The following GRM8 variants were observed in gnomAD, a reference collection of about 807,000 sequenced individuals.
GRM8 encodes metabotropic glutamate receptor 8.
A neutral mutation model predicts 87.2 loss-of-function variants in GRM8; 47 were observed. The ratio of observed to expected loss-of-function variants is 0.54; its 90% CI spans 0.43 to 0.69. The LOEUF is 0.69. Among genes scored for constraint, GRM8 ranks in the 30% least tolerant of loss-of-function variants. The probability of loss-of-function intolerance (pLI) is 0.00; values close to 1 mark genes in which losing one functional copy is unlikely to be tolerated. For missense variants in GRM8, 1,019 were observed against 1,139.2 expected (o/e 0.89, Z 1.52); for synonymous variants, 396 against 404.5 (o/e 0.98, Z 0.25).
chr7:126,832,847 GA>G (rs2130449737), intron 6 of GRM8, among the ~76,000 whole-genome samples: 1 of 152,258 alleles, frequency 6.6e-6, no homozygotes, highest in South Asian at 2.1e-4. Flanking sequence ...AGCATATGTT[GA>G]ATAGCTGTAT....
chr7:127,095,312 G>A (rs1248860382), intron 3 of GRM8, among the ~76,000 whole-genome samples: 2 of 152,174 alleles, frequency 1.3e-5, no homozygotes, highest in African/African-American at 4.8e-5. Flanking sequence ...GATGCTGGGT[G>A]GAAGCTGTTG....
intron 6 of GRM8, among the ~76,000 whole-genome samples, chr7:126,838,803 A>T (rs917109074): frequency 6.6e-6 from 1 of 152,232 alleles, no homozygotes; most frequent in African/African-American, 2.4e-5. Context: ...CACGGCTCAC[A>T]TCATATAAGC....
At chr7:127,129,832 G>A (rs1043414701) in intron 2 of GRM8, among the ~76,000 whole-genome samples, 1 of 152,160 alleles carries the variant, frequency 6.6e-6, no homozygotes, top group Non-Finnish European at 1.5e-5. Context: ...AGCCAATCAA[G>A]ATAATTTTGA....
rs964869672 is a variant in GRM8, at chr7:127,109,315, C to A, written c.511-2603G>T. On this transcript the variant is annotated intron_variant, in intron 2 of 10. Coordinates refer to ENST00000339582, the MANE Select transcript of GRM8 (RefSeq NM_000845.3). ...TAGGAAAAGCACCCATTATCAGTTC[C>A]CCCATCCTTTAAAAAAAAAAGTAGT... Among the ~76,000 whole-genome samples, 52 of 152,040 alleles carry A rather than the reference C, an allele frequency of 3.4e-4. 1 individual carries two copies. Among genetic ancestry groups the A allele is most frequent in the African/African-American group, 1.2e-3 (51 of 41,390 alleles).
rs1213099095 is a variant in GRM8, at chr7:126,460,548, C to G, written c.2431-14176G>C. Among the ~76,000 whole-genome samples, 9 of 151,586 alleles carry G rather than the reference C, an allele frequency of 5.9e-5. No homozygotes were observed. The East Asian group carries it at 1.8e-3, about 30-fold the overall frequency. ...TAACTCTAGACCACAGACAAAAAGT[C>G]CTCTTCTTGCACATTATTCCATAAG... On this transcript the variant is annotated intron_variant, in intron 9 of 10. Transcript: ENST00000339582.
At chr7:126,798,892 G>T (rs1057505985) in intron 6 of GRM8, among the ~76,000 whole-genome samples, 2 of 152,092 alleles carry the variant, frequency 1.3e-5, no homozygotes, top group Non-Finnish European at 1.5e-5. Context: ...TGTGTTCAAC[G>T]AATGTGGATC....
intron 2 of GRM8, among the ~76,000 whole-genome samples, chr7:127,115,254 G>A (rs1587063567): frequency 6.6e-6 from 1 of 152,154 alleles, no homozygotes; most frequent in East Asian, 1.9e-4. Context: ...GGTTGTGGCA[G>A]GCCAAGCAGA....
chr7:127,074,977 A>G (rs1319118027), intron 3 of GRM8, among the ~76,000 whole-genome samples: 1 of 152,192 alleles, frequency 6.6e-6, no homozygotes, highest in Admixed American at 6.5e-5. Context: ...CCAACAGAAG[A>G]CTGGCTTCAT....
At chr7:127,246,639 T>C (rs971459266) in intron 1 of GRM8, among the ~76,000 whole-genome samples, 18 of 152,148 alleles carry the variant, frequency 1.2e-4, no homozygotes, top group Admixed American at 2.6e-4. Flanking sequence ...GGGCCCTCCA[T>C]GGGCAGTCCC....
chr7:126,584,192 C>A (rs910736100), intron 8 of GRM8, among the ~76,000 whole-genome samples: 1 of 152,002 alleles, frequency 6.6e-6, no homozygotes, highest in African/African-American at 2.4e-5. Context: ...ATTGCCATGG[C>A]ACACTTAATA....
intron 7 of GRM8, among the ~76,000 whole-genome samples, chr7:126,694,016 A>G (rs17150099): frequency 0.051 from 7,687 of 152,064 alleles, 597 homozygotes; most frequent in African/African-American, 0.16. Context: ...TATGACCATT[A>G]TAAATATTCA....
chr7:127,116,054 G>T (rs913273180), intron 2 of GRM8, among the ~76,000 whole-genome samples: 2 of 152,156 alleles, frequency 1.3e-5, no homozygotes, highest in African/African-American at 4.8e-5. Flanking sequence ...AATTCTAGGT[G>T]ACAATGAGCT....
In GRM8 at chr7:126,902,632, T is replaced by C. The variant is rs1333225130; in HGVS notation, c.1066A>G (p.Asn356Asp). 1 of 1,610,148 alleles carries C rather than the reference T, an allele frequency of 6.2e-7. No homozygotes were observed. Reference protein sequence around the residue: ...RSRTLANNRRNVWFAEFWEEN... With the variant: ...RSRTLANNRRDVWFAEFWEEN... ...TCCCAGAATTCTGCAAACCACACATTTCTTCGATTATTGGCAAGAGTTCGG... is the reference window on the plus strand; with the variant it reads ...TCCCAGAATTCTGCAAACCACACATCTCTTCGATTATTGGCAAGAGTTCGG... The change falls in exon 6 of 11, where the codon AAT (asparagine) becomes GAT (aspartate). Residue 356 changes from asparagine to aspartate, a missense_variant. By Grantham distance (23) the Asn-to-Asp change is conservative. Transcript: ENST00000339582.
At chr7:126,835,735 C>T (rs1354180229) in intron 6 of GRM8, among the ~76,000 whole-genome samples, 1 of 152,156 alleles carries the variant, frequency 6.6e-6, no homozygotes, top group Non-Finnish European at 1.5e-5. Context: ...CTCAGGAAAA[C>T]TAAAATTATG....
At chr7:127,223,125 T>TTAGATCTAAAACAAGCATA (rs1372758813) in intron 2 of GRM8, among the ~76,000 whole-genome samples, 3 of 152,060 alleles carry the variant, frequency 2.0e-5, no homozygotes. Flanking sequence ...AAACTGAGCA[T>TTAGATCTAAAACAAGCATA]TAGATCTAAA....
intron 9 of GRM8, among the ~76,000 whole-genome samples, chr7:126,483,426 A>T (rs1806952990): frequency 6.7e-6 from 1 of 149,158 alleles, no homozygotes; most frequent in Admixed American, 6.7e-5. Context: ...TTAATAAAAC[A>T]TACCCTTAGT....
At chr7:126,489,993 C>T (rs1394668479) in intron 9 of GRM8, among the ~76,000 whole-genome samples, 1 of 152,014 alleles carries the variant, frequency 6.6e-6, no homozygotes, top group African/African-American at 2.4e-5. Context: ...TTACTCCCAA[C>T]CCCCCTGTAG....
intron 7 of GRM8, among the ~76,000 whole-genome samples, chr7:126,635,101 T>C (rs1801717590): frequency 6.6e-6 from 1 of 152,156 alleles, no homozygotes; most frequent in African/African-American, 2.4e-5. Flanking sequence ...GTGCTATATG[T>C]TGTCAATAAT....
chr7:126,977,499 A>C (rs1811115638), intron 3 of GRM8, among the ~76,000 whole-genome samples: 1 of 152,260 alleles, frequency 6.6e-6, no homozygotes, highest in African/African-American at 2.4e-5. Flanking sequence ...AAGAATCATC[A>C]AATGCCCTTT....
Sources: gnomAD v4.1 joint callset for allele counts (sites outside exome capture counted in the v4.1 genomes callset) on GRCh38, gnomAD v4.1.1 for gene constraint, MANE v1.5 for transcripts, NCBI Gene and HGNC (gene_info 2026-07-23, HGNC 2026-07-21) for gene names.